Variants in PCDHGA1 observed in about 807,000 individuals in gnomAD.
PCDHGA1 encodes protocadherin gamma-A1.
PCDHGA1 carries 32 observed loss-of-function variants against 58.0 expected under a neutral mutation model. The observed-to-expected ratio is 0.55, with a 90% CI of 0.42 to 0.74. PCDHGA1 has a LOEUF of 0.74. Ranked by LOEUF, PCDHGA1 falls within the 30% of genes least tolerant of loss-of-function variation. The pLI is 0.00. For synonymous variants in PCDHGA1, 498 were observed against 501.1 expected (o/e 0.99, Z 0.08); for missense variants, 1,205 against 1,182.3 (o/e 1.02, Z -0.28).
chr5:141,363,922 T>C (rs1411192181), intron 1 of PCDHGA1, among the ~76,000 whole-genome samples: 1 of 152,164 alleles, frequency 6.6e-6, no homozygotes, highest in Non-Finnish European at 1.5e-5. Context: ...TTTTGTAAGG[T>C]ATTGAGATCT....
At chr5:141,501,298 C>T (rs998006748) in intron 2 of PCDHGA1, among the ~76,000 whole-genome samples, 216 of 148,422 alleles carry the variant, frequency 1.5e-3, no homozygotes, top group Admixed American at 2.4e-3. Context: ...TATACACACA[C>T]ACACACACAC....
rs768722501 is a variant in PCDHGA1 at position 141,352,217 on chromosome 5, A to G, written c.2421+19112A>G. The stretch of plus-strand genomic sequence containing the variant: ...TGGAGGACAGCCGCCACTCTCCGCC[A>G]CCGCCACGCTGCACCTAATCTTCGC... On this transcript the variant is annotated intron_variant, in intron 1 of 3. Transcript: ENST00000517417. 1.8e-5 allele frequency: 29 copies of G among 1,613,998 alleles called. No individual in the cohort carries two copies. The South Asian group carries it at 2.9e-4, about 16-fold the overall frequency.
At chr5:141,372,146 T>A (rs371379465) in intron 1 of PCDHGA1, 1 of 1,613,620 alleles carries the variant, frequency 6.2e-7, no homozygotes, top group Non-Finnish European at 8.5e-7. Context: ...CTGCAGAGCC[T>A]GGCTACCTGG....
rs539348000 is a variant in PCDHGA1 at position 141,504,908 on chromosome 5, G to A, written c.2481-485G>A. 5.9e-5 allele frequency among the ~76,000 whole-genome samples: 9 copies of A among 152,208 alleles called. No homozygotes were observed. In the East Asian group the frequency reaches 1.7e-3, roughly 29 times the overall value. On this transcript the variant is annotated intron_variant, in intron 2 of 3. Coordinates refer to ENST00000517417, the MANE Select transcript of PCDHGA1 (RefSeq NM_018912.3). Reference sequence around the variant, plus strand: ...AGGTCTGATCTCCCTCACTATGACAGGAAGCCAGGCTCTCTCATGGTGGGT... The same window carrying A: ...AGGTCTGATCTCCCTCACTATGACAAGAAGCCAGGCTCTCTCATGGTGGGT...
intron 1 of PCDHGA1, chr5:141,398,470 A>G: frequency 6.2e-7 from 1 of 1,604,828 alleles, no homozygotes; most frequent in Non-Finnish European, 8.5e-7. Flanking sequence ...AAATCCACTG[A>G]ACTTTTATCA....
At chr5:141,385,259 A>G (rs1202101252) in intron 1 of PCDHGA1, 2 of 1,613,774 alleles carry the variant, frequency 1.2e-6, no homozygotes, top group Middle Eastern at 1.6e-4. Context: ...AGCTGTGAGA[A>G]AAATGATTCT....
chr5:141,336,428 A>C (rs1561476492), intron 1 of PCDHGA1, among the ~76,000 whole-genome samples: 1 of 152,222 alleles, frequency 6.6e-6, no homozygotes, highest in Non-Finnish European at 1.5e-5. Context: ...GTAGCTCTAC[A>C]AGAAAACATG....
intron 1 of PCDHGA1, chr5:141,361,348 G>C: frequency 6.2e-7 from 1 of 1,613,980 alleles, no homozygotes; most frequent in South Asian, 1.1e-5. Context: ...TTACAAACTA[G>C]TGACAGACGG....
In PCDHGA1 at chr5:141,374,991, C is replaced by T. The variant is rs1470236717; in HGVS notation, c.2421+41886C>T. 4 of 1,614,036 alleles carry T rather than the reference C, an allele frequency of 2.5e-6. No individual in the cohort carries two copies. The Admixed American group carries it at 5.0e-5, about 20-fold the overall frequency. ...AATGTTTTGACTGGAGAAATTTCAACTTCTGCAAATCTAGACTATGAGGAC... is the reference window on the plus strand; with the variant it reads ...AATGTTTTGACTGGAGAAATTTCAATTTCTGCAAATCTAGACTATGAGGAC... On this transcript the variant is annotated intron_variant, in intron 1 of 3. Transcript: ENST00000517417.
chr5:141,410,091 G>C (rs778509378), intron 1 of PCDHGA1: 8 of 1,612,400 alleles, frequency 5.0e-6, no homozygotes, highest in South Asian at 1.1e-5. Context: ...CGCACGGCTC[G>C]AGCCTTAGGC....
At chr5:141,375,821 C>T in intron 1 of PCDHGA1, 1 of 1,614,192 alleles carries the variant, frequency 6.2e-7, no homozygotes, top group Non-Finnish European at 8.5e-7. Context: ...GCTGGCGCCC[C>T]GCTCCGCAGA....
rs557950865 is a variant in PCDHGA1, at chr5:141,337,492, A to G, written c.2421+4387A>G. Among the ~76,000 whole-genome samples the G allele has an allele frequency of 5.9e-5, 9 of 152,358 alleles. No homozygotes were observed. In the South Asian group the frequency reaches 1.9e-3, roughly 32 times the overall value. ...GCTACAATATGGACGAACTTCAAAG[A>G]CATGATATCAAGTGAAATAAACCTG... On this transcript the variant is annotated intron_variant, in intron 1 of 3. Transcript: ENST00000517417.
At chr5:141,446,069 C>T (rs552817495) in intron 1 of PCDHGA1, among the ~76,000 whole-genome samples, 1 of 152,102 alleles carries the variant, frequency 6.6e-6, no homozygotes, top group South Asian at 2.1e-4. Flanking sequence ...AAAGGGGAGG[C>T]AGTGGATGTA....
chr5:141,366,986 G>T, intron 1 of PCDHGA1: 1 of 493,134 alleles, frequency 2.0e-6, no homozygotes, highest in Non-Finnish European at 3.4e-6. Context: ...AAGGAAAGTG[G>T]TTAAATATAA....
At chr5:141,402,682 T>A (rs1012328239) in intron 1 of PCDHGA1, among the ~76,000 whole-genome samples, 1 of 152,138 alleles carries the variant, frequency 6.6e-6, no homozygotes, top group East Asian at 1.9e-4. Context: ...CCATCTGATA[T>A]AATGTTACAC....
intron 1 of PCDHGA1, chr5:141,357,605 G>A: frequency 1.2e-6 from 2 of 1,614,024 alleles, no homozygotes; most frequent in Non-Finnish European, 1.7e-6. Context: ...GAAACAAAAG[G>A]AGACCCTAAT....
intron 1 of PCDHGA1, chr5:141,400,367 C>A (rs372561902): frequency 6.8e-5 from 110 of 1,613,946 alleles, no homozygotes; most frequent in Non-Finnish European, 8.8e-5. Flanking sequence ...TTGCCTTATT[C>A]CTACAACCTA....
Position 141,432,248 on chromosome 5 carries a change from C to T in PCDHGA1, c.2422-62559C>T. Reference sequence around the variant, plus strand: ...TTATTCCCTGGCTGAGAACACCATCCAAGGGGCAAGCCTATCGTCCTACGT... The same window carrying T: ...TTATTCCCTGGCTGAGAACACCATCTAAGGGGCAAGCCTATCGTCCTACGT... On this transcript the variant is annotated intron_variant, in intron 1 of 3. Transcript: ENST00000517417. This position sits in a 1 kb window ranked among gnomAD's most constrained non-coding sequence, Gnocchi z 6.0. 1.2e-6 allele frequency: 2 copies of T among 1,614,244 alleles called. No individual in the cohort carries two copies. Among genetic ancestry groups the T allele is most frequent in the South Asian group, 1.1e-5 (1 of 91,090 alleles).
intron 1 of PCDHGA1, chr5:141,419,497 G>T (rs1357823931): frequency 9.9e-6 from 16 of 1,612,390 alleles, no homozygotes; most frequent in Non-Finnish European, 1.4e-5. Context: ...GCGCCAATGT[G>T]AGCCTGCGCG....
Sources: allele counts gnomAD v4.1 joint callset (sites outside exome capture counted in the v4.1 genomes callset), GRCh38; gene constraint gnomAD v4.1.1; non-coding constraint Gnocchi (gnomAD v3.1); transcripts MANE v1.5; gene names NCBI Gene and HGNC (gene_info 2026-07-23, HGNC 2026-07-21).